The following FAR2 variants were observed in gnomAD, a reference collection of about 807,000 sequenced individuals.
FAR2 encodes epididymis secretory protein Li 81.
A neutral mutation model predicts 56.0 loss-of-function variants in FAR2; 19 were observed. The observed-to-expected ratio is 0.34, with a 90% CI of 0.24 to 0.50. The LOEUF (loss-of-function observed/expected upper bound fraction) is 0.50, where lower values mean the gene tolerates loss of function less well. FAR2 is among the 20% of genes least tolerant of loss of function. FAR2 has a pLI of 0.98. For missense variants in FAR2, 508 were observed against 642.2 expected (o/e 0.79, Z 2.26); for synonymous variants, 219 against 218.8 (o/e 1.00, Z -0.01).
chr12:29,316,841 G>A lies in FAR2; in HGVS notation c.956G>A (p.Gly319Glu). The change falls in exon 9 of 12, where the codon GGA becomes GAA. Residue 319 changes from glycine (G) to glutamate (E), a missense_variant and splice_region_variant. By Grantham distance (98) the Gly-to-Glu change is moderately conservative. Transcript: ENST00000536681. ...NMNPCNWHKM[G>E]VQVLATFEKI... ...AGCACTTACTTTCTTTTTTCCCCAGGAGTCCAAGTCTTGGCAACCTTTGAA... is the reference window on the plus strand; with the variant it reads ...AGCACTTACTTTCTTTTTTCCCCAGAAGTCCAAGTCTTGGCAACCTTTGAA... 1 of 1,613,090 alleles carries A rather than the reference G, an allele frequency of 6.2e-7. No homozygotes were observed. The highest frequency in any genetic ancestry group is 8.5e-7 in the Non-Finnish European group (1 of 1,179,650).
intron 1 of FAR2, among the ~76,000 whole-genome samples, chr12:29,176,045 A>C (rs965809981): frequency 1.1e-4 from 16 of 152,208 alleles, no homozygotes; most frequent in African/African-American, 3.9e-4. Context: ...GGAAATTTTA[A>C]ATTTGCACTT....
At chr12:29,189,435 T>G (rs533501195) in intron 1 of FAR2, among the ~76,000 whole-genome samples, 44 of 152,338 alleles carry the variant, frequency 2.9e-4, no homozygotes, top group Admixed American at 6.5e-4. Context: ...TACAAGATGC[T>G]GTACGCTCAC....
intron 6 of FAR2, among the ~76,000 whole-genome samples, chr12:29,310,111 C>A (rs1257181114): frequency 6.6e-6 from 1 of 152,194 alleles, no homozygotes; most frequent in African/African-American, 2.4e-5. Context: ...CTGCTTCCCA[C>A]CTGCCTTCAA....
chr12:29,168,919 G>A (rs2082944), intron 1 of FAR2, among the ~76,000 whole-genome samples: 31,816 of 152,044 alleles, frequency 0.21, 3,336 homozygotes, highest in East Asian at 0.3. Context: ...TTTACAGAGC[G>A]TTGATTGGTC....
At chr12:29,261,316 C>G (rs576141364) in intron 1 of FAR2, among the ~76,000 whole-genome samples, 28 of 152,154 alleles carry the variant, frequency 1.8e-4, no homozygotes, top group Admixed American at 7.2e-4. Flanking sequence ...AGTCTCTTAA[C>G]ATGAGAGTTG....
chr12:29,333,349 A>G (rs1949758314), intron 11 of FAR2: 1 of 343,868 alleles, frequency 2.9e-6, no homozygotes, highest in South Asian at 5.0e-5. Flanking sequence ...ATGTGGTAAC[A>G]TGACCAAAGT....
intron 1 of FAR2, chr12:29,172,078 C>A (rs1042314959): frequency 1.1e-4 from 16 of 149,872 alleles, no homozygotes; most frequent in African/African-American, 3.7e-4. Context: ...CGCCTCTGCC[C>A]AGCCACCAAC....
rs2136692902 is a variant in FAR2, at chr12:29,261,163, C to T, written c.-38-9249C>T. ...ACCTCACTAAACGAACTAAATAAGG[C>T]ACCAGTGACCAATCCAAGGTAACAC... On this transcript the variant is annotated intron_variant, in intron 1 of 11. Transcript: ENST00000536681. 2.0e-5 allele frequency among the ~76,000 whole-genome samples: 3 copies of T among 152,256 alleles called. No homozygotes were observed. The East Asian group carries it at 5.8e-4, about 29-fold the overall frequency.
chr12:29,313,045 T>TA (rs1192261958), intron 8 of FAR2, among the ~76,000 whole-genome samples: 2 of 152,202 alleles, frequency 1.3e-5, no homozygotes, highest in African/African-American at 4.8e-5. Flanking sequence ...TCCCATCTAA[T>TA]ATAGCATTTC....
At chr12:29,220,976 C>T (rs148143898) in intron 1 of FAR2, among the ~76,000 whole-genome samples, 2,437 of 152,190 alleles carry the variant, frequency 0.016, 29 homozygotes, top group Non-Finnish European at 0.026. Context: ...GCAGGCTGTC[C>T]TTATCCACAT....
At chr12:29,154,808 T>C (rs1949713290) in intron 1 of FAR2, among the ~76,000 whole-genome samples, 1 of 152,190 alleles carries the variant, frequency 6.6e-6, no homozygotes. Context: ...AGAGATCTTT[T>C]ATGCTACATT....
intron 1 of FAR2, among the ~76,000 whole-genome samples, chr12:29,220,918 G>T (rs1947680202): frequency 6.6e-6 from 1 of 152,104 alleles, no homozygotes; most frequent in South Asian, 2.1e-4. Flanking sequence ...TTATATGTTG[G>T]CATACTTCTG....
At chr12:29,260,037 G>T (rs572067135) in intron 1 of FAR2, among the ~76,000 whole-genome samples, 2 of 152,262 alleles carry the variant, frequency 1.3e-5, no homozygotes, top group African/African-American at 2.4e-5. Context: ...AGTTGCATAT[G>T]TGCTATTATT....
At chr12:29,312,856 T>C (rs1487760914) in intron 8 of FAR2, among the ~76,000 whole-genome samples, 1 of 152,152 alleles carries the variant, frequency 6.6e-6, no homozygotes, top group Non-Finnish European at 1.5e-5. Flanking sequence ...GAGAGTTCTA[T>C]TGCAGGGCAG....
intron 1 of FAR2, among the ~76,000 whole-genome samples, chr12:29,191,774 C>T (rs971055689): frequency 3.3e-5 from 5 of 152,140 alleles, no homozygotes; most frequent in Admixed American, 1.3e-4. Context: ...CTGGTGTATG[C>T]GGCTTTGCTT....
intron 1 of FAR2, among the ~76,000 whole-genome samples, chr12:29,207,113 C>T (rs1353360411): frequency 6.6e-6 from 1 of 152,128 alleles, no homozygotes; most frequent in East Asian, 1.9e-4. Flanking sequence ...GTCTTGCATA[C>T]CAGGCCAAGG....
At chr12:29,261,235 G>A (rs574637390) in intron 1 of FAR2, among the ~76,000 whole-genome samples, 10 of 152,194 alleles carry the variant, frequency 6.6e-5, no homozygotes, top group Admixed American at 3.3e-4. Flanking sequence ...CAAAGAGATC[G>A]AAATAATTAA....
At chr12:29,218,580 A>C (rs79735171) in intron 1 of FAR2, among the ~76,000 whole-genome samples, 5,569 of 152,260 alleles carry the variant, frequency 0.037, 134 homozygotes, top group South Asian at 0.049. Flanking sequence ...AGAATAGGGC[A>C]GAAGAAATAT....
chr12:29,261,762 T>C (rs1180359307), intron 1 of FAR2, among the ~76,000 whole-genome samples: 1 of 152,130 alleles, frequency 6.6e-6, no homozygotes, highest in Non-Finnish European at 1.5e-5. Flanking sequence ...AAGAGTGGCA[T>C]GACATATTTC....
Sources: allele counts gnomAD v4.1 joint callset (sites outside exome capture counted in the v4.1 genomes callset), GRCh38; gene constraint gnomAD v4.1.1; transcripts MANE v1.5; gene names NCBI Gene and HGNC (gene_info 2026-07-23, HGNC 2026-07-21).